CSMD2: variants seen among roughly 807,000 people sequenced by gnomAD.
CSMD2 encodes the protein CUB and Sushi multiple domains 2.
CSMD2 carries 130 observed loss-of-function variants against 398.5 expected under a neutral mutation model. That is an observed-to-expected ratio of 0.33 (90% CI 0.28 to 0.38). The LOEUF (loss-of-function observed/expected upper bound fraction) is 0.38, where lower values mean the gene tolerates loss of function less well. CSMD2 is among the 10% of genes least tolerant of loss of function. CSMD2 has a pLI of 1.00. For synonymous variants in CSMD2, 1,828 were observed against 1,908.5 expected, an observed-to-expected ratio of 0.96 and a Z score of 1.10; for missense variants, 3,829 against 4,764.9, an observed-to-expected ratio of 0.80 and a Z score of 5.78.
chr1:33,607,276 G>C (rs1483036377), intron 41 of CSMD2, among the ~76,000 whole-genome samples: 1 of 152,208 alleles, frequency 6.6e-6, no homozygotes, highest in East Asian at 1.9e-4. Context: ...TTTACTTAAA[G>C]AAGAGAAAAG....
intron 3 of CSMD2, among the ~76,000 whole-genome samples, chr1:33,992,701 T>C (rs1646596291): frequency 1.3e-5 from 2 of 150,506 alleles, no homozygotes; most frequent in African/African-American, 4.9e-5. Flanking sequence ...ACCCTGTCTC[T>C]ACTAAAAATA....
intron 3 of CSMD2, among the ~76,000 whole-genome samples, chr1:33,937,218 T>C (rs1644507931): frequency 1.3e-5 from 2 of 152,158 alleles, no homozygotes; most frequent in African/African-American, 4.8e-5. Flanking sequence ...GTGGGTGCTG[T>C]GCACAATTAA....
intron 41 of CSMD2, among the ~76,000 whole-genome samples, chr1:33,607,378 A>T (rs1226881489): frequency 6.6e-6 from 1 of 152,234 alleles, no homozygotes; most frequent in East Asian, 1.9e-4. Flanking sequence ...GAGGGGCCAT[A>T]GAGAGCTGGG....
Position 33,580,815 on chromosome 1 carries a change from A to G in CSMD2, c.7325T>C (p.Val2442Ala). The G allele has an allele frequency of 6.2e-7, 1 of 1,614,122 alleles. No homozygotes were observed. Among genetic ancestry groups the G allele is most frequent in the Non-Finnish European group, 8.5e-7 (1 of 1,180,004 alleles). ...PLIVTSSSNSVYLRWSSDHAY... is the reference protein window; with the variant it reads ...PLIVTSSSNSAYLRWSSDHAY... Reference sequence around the variant, plus strand: ...GTGATCAGATGACCAACGCAGGTACACAGAGTTGCTTGAGCTGGTGACAAT... The same window carrying G: ...GTGATCAGATGACCAACGCAGGTACGCAGAGTTGCTTGAGCTGGTGACAAT... Residue 2442 changes from valine (V) to alanine (A), a missense_variant, in exon 48 of 71, where the codon GTG becomes GCG. This residue lies in a region of CSMD2 where 723 missense variants were observed against 758.6 expected (regional missense o/e 0.95). Transcript: ENST00000373381.
intron 9 of CSMD2, among the ~76,000 whole-genome samples, chr1:33,816,139 C>T (rs185498933): frequency 4.6e-5 from 7 of 152,226 alleles, no homozygotes; most frequent in South Asian, 2.1e-4. Flanking sequence ...ATAACAAAGT[C>T]GGAACTTTAA....
Position 33,810,783 on chromosome 1 carries a change from G to A in CSMD2, c.1406C>T (p.Ala469Val), listed in dbSNP as rs745859854. ...PNFPIQYDNN[A>V]HCVWIITALN... ...TGCTGTGATGATCCACACACAGTGTGCATTGTTGTCATACTGAATGGGGAA... is the reference window on the plus strand; with the variant it reads ...TGCTGTGATGATCCACACACAGTGTACATTGTTGTCATACTGAATGGGGAA... Residue 469 changes from alanine (A) to valine (V), a missense_variant, in exon 10 of 71, where the codon GCA becomes GTA. Physicochemically the swap from Ala to Val is moderately conservative, Grantham distance 64. This residue lies in a region of CSMD2 where 2,001 missense variants were observed against 2,567.1 expected (regional missense o/e 0.78). Coordinates refer to ENST00000373381, the MANE Select transcript of CSMD2 (RefSeq NM_001281956.2). 6.2e-7 allele frequency: 1 copy of A among 1,613,156 alleles called. No individual in the cohort carries two copies. The highest frequency in any genetic ancestry group is 8.5e-7 in the Non-Finnish European group (1 of 1,179,576).
At chr1:34,116,737 C>T (rs907221684) in intron 1 of CSMD2, among the ~76,000 whole-genome samples, 15 of 152,038 alleles carry the variant, frequency 9.9e-5, no homozygotes, top group African/African-American at 3.6e-4. Flanking sequence ...AGATCACATG[C>T]TAGGCCATAA....
In CSMD2 at chr1:33,898,599, G is replaced by A. The variant is rs146874253; in HGVS notation, c.920+19495C>T. ...ACAGAATAATGAATCTTTTCCAGCC[G>A]GGGCTAGGAGTCGCCAGAGACTTGT... On this transcript the variant is annotated intron_variant, in intron 5 of 70. Transcript: ENST00000373381. Among the ~76,000 whole-genome samples, 24 of 152,284 alleles carry A rather than the reference G, an allele frequency of 1.6e-4. No individual in the cohort carries two copies. In the East Asian group the frequency reaches 1.9e-3, roughly 12 times the overall value.
intron 13 of CSMD2, among the ~76,000 whole-genome samples, chr1:33,766,594 C>T: frequency 6.6e-6 from 1 of 152,234 alleles, no homozygotes; most frequent in East Asian, 1.9e-4. Flanking sequence ...GGACCGTGCC[C>T]AATTCATCTC....
intron 1 of CSMD2, among the ~76,000 whole-genome samples, chr1:34,146,220 G>T (rs1639751551): frequency 6.6e-6 from 1 of 152,244 alleles, no homozygotes; most frequent in African/African-American, 2.4e-5. Flanking sequence ...GCCCTGAGGG[G>T]TATCAGGCAC....
intron 24 of CSMD2, among the ~76,000 whole-genome samples, chr1:33,696,631 T>A (rs181183203): frequency 3.9e-5 from 6 of 152,250 alleles, no homozygotes; most frequent in Non-Finnish European, 5.9e-5. Context: ...TCCTTCCATA[T>A]TCCAGACAGA....
intron 13 of CSMD2, among the ~76,000 whole-genome samples, chr1:33,745,948 A>G (rs772713429): frequency 2.1e-4 from 32 of 152,162 alleles, no homozygotes; most frequent in Admixed American, 3.3e-4. Context: ...AAAGATGAAG[A>G]CACTGAGGCA....
intron 1 of CSMD2, among the ~76,000 whole-genome samples, chr1:34,127,584 G>A (rs181040653): frequency 5.9e-5 from 9 of 152,176 alleles, no homozygotes; most frequent in South Asian, 4.1e-4. Flanking sequence ...CCTGTTCTCA[G>A]TGAGGTACCA....
chr1:34,160,268 C>T (rs955698458), intron 1 of CSMD2, among the ~76,000 whole-genome samples: 1 of 152,226 alleles, frequency 6.6e-6, no homozygotes, highest in East Asian at 1.9e-4. Flanking sequence ...GCACTCTCCG[C>T]TGCAGTCAGC....
At chr1:33,682,041 T>C (rs1644924310) in intron 25 of CSMD2, among the ~76,000 whole-genome samples, 1 of 152,196 alleles carries the variant, frequency 6.6e-6, no homozygotes, top group South Asian at 2.1e-4. Context: ...CTGAAATCAG[T>C]ATTGCTGCGC....
At chr1:33,724,170 A>G (rs538452192) in intron 19 of CSMD2, 27 bp downstream of exon 19, 1 of 1,537,074 alleles carries the variant, frequency 6.5e-7, no homozygotes, top group Non-Finnish European at 9.0e-7. Flanking sequence ...TCACATCCCA[A>G]TGCCTGCTAT....
chr1:33,524,630 G>C (rs1474216717), intron 66 of CSMD2, among the ~76,000 whole-genome samples: 1 of 152,086 alleles, frequency 6.6e-6, no homozygotes, highest in Non-Finnish European at 1.5e-5. Context: ...GTTCAGTTTA[G>C]GGATATCAGT....
intron 25 of CSMD2, among the ~76,000 whole-genome samples, chr1:33,688,266 T>C (rs1645121028): frequency 6.6e-6 from 1 of 152,166 alleles, no homozygotes; most frequent in Admixed American, 6.5e-5. Context: ...GACATTGACA[T>C]GATGAGATGG....
At chr1:33,532,244 C>T (rs1047888463) in intron 64 of CSMD2, among the ~76,000 whole-genome samples, 17 of 152,184 alleles carry the variant, frequency 1.1e-4, no homozygotes, top group African/African-American at 4.1e-4. Flanking sequence ...CTTCTCTATG[C>T]CCTAGTTTCC....
Sources: allele counts gnomAD v4.1 joint callset (sites outside exome capture counted in the v4.1 genomes callset), GRCh38; gene constraint gnomAD v4.1.1; regional missense constraint gnomAD v4.1.1; transcripts MANE v1.5; gene names NCBI Gene and HGNC (gene_info 2026-07-23, HGNC 2026-07-21).